The following OPCML variants were observed in gnomAD, a reference collection of about 807,000 sequenced individuals.
OPCML encodes the protein opioid binding protein/cell adhesion molecule like, also known as opioid-binding protein/cell adhesion molecule.
Under a neutral mutation model 37.8 loss-of-function variants are expected in OPCML, and 13 were observed. The observed-to-expected ratio is 0.34, with a 90% CI of 0.22 to 0.55. The LOEUF (loss-of-function observed/expected upper bound fraction) is 0.55. Among genes scored for constraint, OPCML ranks in the 20% least tolerant of loss-of-function variants. The probability of loss-of-function intolerance (pLI) is 0.91; values close to 1 mark genes in which losing one functional copy is unlikely to be tolerated. For missense variants in OPCML, 341 were observed against 435.6 expected (o/e 0.78, Z 1.93); for synonymous variants, 176 against 168.8 (o/e 1.04, Z -0.33).
intron 4 of OPCML, among the ~76,000 whole-genome samples, chr11:132,462,666 C>T (rs747290095): frequency 6.6e-6 from 1 of 152,188 alleles, no homozygotes; most frequent in Non-Finnish European, 1.5e-5. Context: ...ATTGCATAAC[C>T]TCTCTAGAAG....
At chr11:133,384,247 C>CAAAAAAAA (rs1186998875) in intron 1 of OPCML, among the ~76,000 whole-genome samples, 80 of 71,150 alleles carry the variant, frequency 1.1e-3, no homozygotes, top group African/African-American at 3.4e-3. Context: ...GGCCACTGTG[C>CAAAAAAAA]AAAAAAAAAA....
chr11:133,430,518 T>C (rs1326222822), intron 1 of OPCML, among the ~76,000 whole-genome samples: 1 of 152,152 alleles, frequency 6.6e-6, no homozygotes, highest in Non-Finnish European at 1.5e-5. Context: ...GGGATGGGGA[T>C]GGATAATCTA....
intron 2 of OPCML, among the ~76,000 whole-genome samples, chr11:132,728,369 A>T (rs1944959993): frequency 6.6e-6 from 1 of 152,202 alleles, no homozygotes; most frequent in East Asian, 1.9e-4. Context: ...AGGCCCTGGA[A>T]TCACTGTGAA....
intron 1 of OPCML, among the ~76,000 whole-genome samples, chr11:132,962,877 A>G (rs973502525): frequency 6.6e-6 from 1 of 152,212 alleles, no homozygotes; most frequent in Non-Finnish European, 1.5e-5. Context: ...CAGCATCTCC[A>G]ACCTCAGAAG....
chr11:132,660,920 C>T (rs1219596358), intron 2 of OPCML, among the ~76,000 whole-genome samples: 3 of 152,162 alleles, frequency 2.0e-5, no homozygotes, highest in African/African-American at 7.2e-5. Flanking sequence ...CTTACTCAAG[C>T]AGATCAACTT....
intron 1 of OPCML, among the ~76,000 whole-genome samples, chr11:133,243,570 A>G (rs1180430914): frequency 6.6e-6 from 1 of 152,188 alleles, no homozygotes; most frequent in African/African-American, 2.4e-5. Flanking sequence ...AAAGCAGATA[A>G]TGTTGAGAGG....
chr11:133,010,761 G>A (rs1911253), intron 1 of OPCML, among the ~76,000 whole-genome samples: 126,728 of 152,238 alleles, frequency 0.83, 53,191 homozygotes, highest in African/African-American at 0.94. Context: ...AGAATATCTC[G>A]AGAAGCTAGA....
chr11:132,488,317 C>T (rs780699286), intron 4 of OPCML, among the ~76,000 whole-genome samples: 25 of 152,172 alleles, frequency 1.6e-4, no homozygotes, highest in African/African-American at 2.7e-4. Flanking sequence ...GTGTTGAAGG[C>T]GGTGTCATTC....
intron 1 of OPCML, among the ~76,000 whole-genome samples, chr11:133,260,563 C>CT (rs952934117): frequency 6.6e-6 from 1 of 152,008 alleles, no homozygotes; most frequent in African/African-American, 2.4e-5. Flanking sequence ...TAAGATCTAA[C>CT]TTTTTTTCAA....
intron 2 of OPCML, among the ~76,000 whole-genome samples, chr11:132,868,849 A>C (rs531640503): frequency 6.6e-6 from 1 of 152,294 alleles, no homozygotes; most frequent in African/African-American, 2.4e-5. Context: ...GAGGGCAGGA[A>C]GTGCATGTGT....
At chr11:132,484,347 G>A (rs1358391051) in intron 4 of OPCML, among the ~76,000 whole-genome samples, 6 of 152,172 alleles carry the variant, frequency 3.9e-5, no homozygotes, top group African/African-American at 1.4e-4. Context: ...TCAGATAAAT[G>A]CAAATCAAAA....
At chr11:133,120,070 G>C (rs983394627) in intron 1 of OPCML, among the ~76,000 whole-genome samples, 1 of 152,242 alleles carries the variant, frequency 6.6e-6, no homozygotes, top group Admixed American at 6.5e-5. Context: ...CACCAGTCCT[G>C]CTTCACCACT....
chr11:133,020,520 G>C (rs1444638042), intron 1 of OPCML, among the ~76,000 whole-genome samples: 2 of 152,226 alleles, frequency 1.3e-5, no homozygotes, highest in Non-Finnish European at 2.9e-5. Flanking sequence ...CAGTGGCTTT[G>C]GAAGCAGTTT....
intron 1 of OPCML, among the ~76,000 whole-genome samples, chr11:133,345,438 C>T (rs1284272299): frequency 6.6e-6 from 1 of 152,162 alleles, no homozygotes; most frequent in African/African-American, 2.4e-5. Flanking sequence ...TTTATCTTGC[C>T]ACCCATCCTT....
At chr11:133,488,548 A>G (rs1334971758) in intron 1 of OPCML, among the ~76,000 whole-genome samples, 3 of 152,150 alleles carry the variant, frequency 2.0e-5, no homozygotes, top group African/African-American at 7.2e-5. Context: ...TGTAACCAAG[A>G]AGGTGAAAGA....
chr11:132,717,540 T>C (rs1432652284), intron 2 of OPCML, among the ~76,000 whole-genome samples: 1 of 152,202 alleles, frequency 6.6e-6, no homozygotes, highest in African/African-American at 2.4e-5. Context: ...TTAACAGTCG[T>C]CATCTCTGGG....
intron 2 of OPCML, among the ~76,000 whole-genome samples, chr11:132,721,221 A>G (rs923766406): frequency 3.3e-4 from 50 of 152,308 alleles, no homozygotes; most frequent in African/African-American, 1.2e-3. Flanking sequence ...CTTGCAGGAT[A>G]GTTAGTGTGA....
intron 2 of OPCML, among the ~76,000 whole-genome samples, chr11:132,843,092 C>CTTTTTTTTTTTTTT (rs56036372): frequency 8.1e-6 from 1 of 123,334 alleles, no homozygotes; most frequent in Non-Finnish European, 1.6e-5. Context: ...CTTTTTCTTT[C>CTTTTTTTTTTTTTT]TTTTTTTTTT....
At chr11:132,980,441 C>T (rs1338018915) in intron 1 of OPCML, among the ~76,000 whole-genome samples, 1 of 152,052 alleles carries the variant, frequency 6.6e-6, no homozygotes, top group Non-Finnish European at 1.5e-5. Flanking sequence ...TATTTGTTTC[C>T]CCTAGAACTA....
Sources: allele counts gnomAD v4.1 joint callset (sites outside exome capture counted in the v4.1 genomes callset), GRCh38; gene constraint gnomAD v4.1.1; transcripts MANE v1.5; gene names NCBI Gene and HGNC (gene_info 2026-07-23, HGNC 2026-07-21).